FIG4: variants seen among roughly 807,000 people sequenced by gnomAD.
The protein encoded by FIG4 is polyphosphoinositide phosphatase.
FIG4 carries 112 observed loss-of-function variants against 118.6 expected under a neutral mutation model. The ratio of observed to expected loss-of-function variants is 0.94; its 90% CI spans 0.81 to 1.11. The LOEUF is 1.11. FIG4 is among the 50% of genes least tolerant of loss of function. The pLI is 0.00. For synonymous variants in FIG4, 369 were observed against 381.2 expected, an observed-to-expected ratio of 0.97 and a Z score of 0.37; for missense variants, 969 against 1,111.7, an observed-to-expected ratio of 0.87 and a Z score of 1.83.
intron 16 of FIG4, among the ~76,000 whole-genome samples, chr6:109,783,870 A>G (rs1027217566): frequency 1.3e-5 from 2 of 149,616 alleles, no homozygotes; most frequent in Non-Finnish European, 3.0e-5. Context: ...TTCAGTCTAA[A>G]ACAAAACTTT....
chr6:109,793,995 A>G lies in FIG4; in HGVS notation c.2459+1331A>G, dbSNP rs560142040. On this transcript the variant is annotated intron_variant, in intron 21 of 22. Coordinates refer to ENST00000230124, the MANE Select transcript of FIG4 (RefSeq NM_014845.6). ...TAGTTGAAGTGGGCCTTTACAAACC[A>G]TGTGGCCTGAAGAATGAATTATCTG... Among the ~76,000 whole-genome samples the G allele has an allele frequency of 2.6e-5, 4 of 152,292 alleles. No homozygotes were observed. The South Asian group carries it at 6.2e-4, about 24-fold the overall frequency.
At position 109,766,863 on chromosome 6, in the gene FIG4, C is replaced by A. The variant is rs1215365972; in HGVS notation, c.1718C>A (p.Thr573Asn). 2 of 1,614,064 alleles carry A rather than the reference C, an allele frequency of 1.2e-6. No homozygotes were observed. The highest frequency in any genetic ancestry group is 1.7e-6 in the Non-Finnish European group (2 of 1,179,990). The change falls in exon 15 of 23, where the codon ACC becomes AAC. Residue 573 changes from threonine to asparagine, a missense_variant. By Grantham distance (65) the Thr-to-Asn change is moderately conservative. Around this residue, in one of 3 missense-constraint regions of FIG4, gnomAD observed 246 missense variants for 354.3 expected, o/e 0.69. Transcript: ENST00000230124. ...CAGCACTCCAAAGACATCATGCAAA[C>A]CCTGTCTAGATATTACAGCAATGCT... The part of the protein sequence containing the change: ...WTQHSKDIMQ[T>N]LSRYYSNAFS...
At chr6:109,773,551 C>T (rs181382053) in intron 15 of FIG4, among the ~76,000 whole-genome samples, 140 of 152,326 alleles carry the variant, frequency 9.2e-4, no homozygotes, top group Admixed American at 2.1e-3. Flanking sequence ...CATCTGTCAA[C>T]AAATCTTGTT....
chr6:109,810,593 A>G (rs1384225149), intron 22 of FIG4, among the ~76,000 whole-genome samples: 1 of 152,228 alleles, frequency 6.6e-6, no homozygotes, highest in Non-Finnish European at 1.5e-5. Context: ...TAGCCACGAC[A>G]GACATTCTTC....
chr6:109,734,488 TTATA>T (rs1408698104), intron 5 of FIG4, among the ~76,000 whole-genome samples: 15 of 148,946 alleles, frequency 1.0e-4, no homozygotes, highest in Non-Finnish European at 1.4e-4. Flanking sequence ...ATAAATATAT[TTATA>T]TATAGATACT....
intron 1 of FIG4, among the ~76,000 whole-genome samples, chr6:109,707,309 AT>A (rs1294164222): frequency 2.0e-4 from 28 of 136,590 alleles, no homozygotes; most frequent in Admixed American, 7.5e-4. Context: ...GTGTGTGTGT[AT>A]GTGTATATAT....
chr6:109,777,215 AT>A (rs1777647740), intron 16 of FIG4, among the ~76,000 whole-genome samples, 155 bp downstream of exon 16: 1 of 152,030 alleles, frequency 6.6e-6, no homozygotes, highest in South Asian at 2.1e-4. Context: ...GTAGGTGTAT[AT>A]TTTTATGGGG....
At chr6:109,764,312 C>A (rs913197804) in intron 13 of FIG4, among the ~76,000 whole-genome samples, 1 of 152,000 alleles carries the variant, frequency 6.6e-6, no homozygotes, top group African/African-American at 2.4e-5. Flanking sequence ...GTGGCATGCA[C>A]CTCTAGTCCC....
chr6:109,779,031 C>T (rs1777715426), intron 16 of FIG4, among the ~76,000 whole-genome samples: 1 of 152,200 alleles, frequency 6.6e-6, no homozygotes, highest in Non-Finnish European at 1.5e-5. Context: ...AATACTTGAG[C>T]TTACTGTCCC....
At chr6:109,773,090 C>A (rs1367396441) in intron 15 of FIG4, among the ~76,000 whole-genome samples, 1 of 152,208 alleles carries the variant, frequency 6.6e-6, no homozygotes, top group African/African-American at 2.4e-5. Context: ...TGCTGCATTT[C>A]TTGGCTTGTG....
chr6:109,793,576 G>A (rs757815774), intron 21 of FIG4, among the ~76,000 whole-genome samples: 9 of 152,080 alleles, frequency 5.9e-5, no homozygotes, highest in Non-Finnish European at 1.0e-4. Flanking sequence ...CTTAATACAT[G>A]GATTTAGAAG....
intron 1 of FIG4, among the ~76,000 whole-genome samples, chr6:109,696,674 G>GC (rs1215962990): frequency 2.0e-5 from 3 of 152,152 alleles, no homozygotes; most frequent in African/African-American, 7.2e-5. Context: ...ACACGTGGGT[G>GC]CTAAAAAACG....
chr6:109,762,207 A>C lies in FIG4; in HGVS notation c.1388A>C (p.Lys463Thr). Residue 463 changes from lysine to threonine, a missense_variant and splice_region_variant, in exon 12 of 23, where the codon AAG becomes ACG. Lys to Thr is a moderately conservative substitution (Grantham distance 78, BLOSUM62 -1). Transcript: ENST00000230124. ...SYCSILRPDE[K>T]WNELGGCVIP... Reference sequence around the variant, plus strand: ...TGTAGCATTTTGCGGCCAGATGAAAAGTATGTATGGTATTTTAAAACTTAT... The same window carrying C: ...TGTAGCATTTTGCGGCCAGATGAAACGTATGTATGGTATTTTAAAACTTAT... 3.9e-6 allele frequency: 6 copies of C among 1,542,516 alleles called. No individual in the cohort carries two copies. The African/African-American group carries it at 8.1e-5, about 21-fold the overall frequency.
At chr6:109,804,919 T>C (rs1240275054) in intron 22 of FIG4, among the ~76,000 whole-genome samples, 1 of 152,206 alleles carries the variant, frequency 6.6e-6, no homozygotes, top group Non-Finnish European at 1.5e-5. Flanking sequence ...GTGATACTAA[T>C]AACATTAAAT....
rs1000184263 is a variant in FIG4 at position 109,791,437 on chromosome 6, C to T, written c.2242C>T (p.Pro748Ser). 3 of 1,613,400 alleles carry T rather than the reference C, an allele frequency of 1.9e-6. No homozygotes were observed. The highest frequency in any genetic ancestry group is 1.7e-5 in the Admixed American group (1 of 60,006). Residue 748 changes from proline to serine, a missense_variant, in exon 20 of 23, where the codon CCC (proline) becomes TCC (serine). Pro to Ser is a moderately conservative substitution (Grantham distance 74). This residue lies in a region of FIG4 where 330 missense variants were observed against 348.1 expected (regional missense o/e 0.95). Transcript: ENST00000230124. ...QRKTAASAPP[P>S]PSEEAVSSSS... ...GAAAACGGCAGCCAGCGCCCCGCCG[C>T]CCCCCAGCGAGGAGGCTGTGTCCAG...
chr6:109,745,452 G>A lies in FIG4; in HGVS notation c.1137+1680G>A, dbSNP rs567669290. Among the ~76,000 whole-genome samples, 10 of 152,244 alleles carry A rather than the reference G, an allele frequency of 6.6e-5. No homozygotes were observed. The East Asian group carries it at 1.9e-3, about 29-fold the overall frequency. On this transcript the variant is annotated intron_variant, in intron 10 of 22. Transcript: ENST00000230124. ...ACATATAAATGTCTTCTTTTGAGAA[G>A]TGTCTGTTCATATCCTTCGCCTACT...
intron 1 of FIG4, among the ~76,000 whole-genome samples, chr6:109,702,460 T>A (rs1423473472): frequency 6.6e-6 from 1 of 152,216 alleles, no homozygotes; most frequent in South Asian, 2.1e-4. Context: ...ATTATTTCAA[T>A]GTAGCTTTTC....
intron 1 of FIG4, among the ~76,000 whole-genome samples, chr6:109,693,919 G>A (rs1055835575): frequency 7.6e-6 from 1 of 131,570 alleles, no homozygotes; most frequent in African/African-American, 3.0e-5. Flanking sequence ...GTTTTGTTTT[G>A]TTTTTACTAA....
intron 10 of FIG4, among the ~76,000 whole-genome samples, chr6:109,747,701 A>G (rs1179341525): frequency 6.6e-6 from 1 of 152,156 alleles, no homozygotes; most frequent in Non-Finnish European, 1.5e-5. Flanking sequence ...GGATAGTTGT[A>G]TGACACAGGA....
Sources: gnomAD v4.1 joint callset for allele counts (sites outside exome capture counted in the v4.1 genomes callset) on GRCh38, gnomAD v4.1.1 for gene constraint, gnomAD v4.1.1 regional missense constraint, MANE v1.5 for transcripts, NCBI Gene and HGNC (gene_info 2026-07-23, HGNC 2026-07-21) for gene names.